The following MTMR7 variants were observed in gnomAD, a reference collection of about 807,000 sequenced individuals.
The protein encoded by MTMR7 is myotubularin related protein 7, also known as phosphatidylinositol-3-phosphate phosphatase MTMR7.
MTMR7 carries 76 observed loss-of-function variants against 81.2 expected under a neutral mutation model. The ratio of observed to expected loss-of-function variants is 0.94; its 90% CI spans 0.78 to 1.13. MTMR7 has a LOEUF of 1.13. Ranked by LOEUF, MTMR7 falls within the 50% of genes most tolerant of loss-of-function variation. MTMR7 has a pLI of 0.00. For synonymous variants in MTMR7, 372 were observed against 289.8 expected, an observed-to-expected ratio of 1.28 and a Z score of -2.88; for missense variants, 1,044 against 820.0, an observed-to-expected ratio of 1.27 and a Z score of -3.34.
chr8:17,349,974 G>A (rs1819680239), intron 4 of MTMR7, among the ~76,000 whole-genome samples: 1 of 152,168 alleles, frequency 6.6e-6, no homozygotes, highest in South Asian at 2.1e-4. Flanking sequence ...ATCTCATGGG[G>A]TTGACAGATG....
intron 4 of MTMR7, among the ~76,000 whole-genome samples, chr8:17,358,994 A>G (rs1819980889): frequency 6.6e-6 from 1 of 152,158 alleles, no homozygotes. Context: ...CGCAGGCTCA[A>G]GCAATCCTCC....
chr8:17,362,307 T>C (rs1487736355), intron 3 of MTMR7, among the ~76,000 whole-genome samples: 2 of 152,226 alleles, frequency 1.3e-5, no homozygotes, highest in African/African-American at 4.8e-5. Context: ...CTTAACCGCA[T>C]ACCTCAGTTT....
intron 3 of MTMR7, among the ~76,000 whole-genome samples, chr8:17,368,790 T>C (rs1820317307): frequency 6.6e-6 from 1 of 152,250 alleles, no homozygotes; most frequent in Non-Finnish European, 1.5e-5. Flanking sequence ...TTCAAAATGC[T>C]GGTGATTCTT....
chr8:17,380,090 TA>T (rs2150571527), intron 1 of MTMR7, among the ~76,000 whole-genome samples: 1 of 152,178 alleles, frequency 6.6e-6, no homozygotes, highest in South Asian at 2.1e-4. Flanking sequence ...AGCAAATGAT[TA>T]TGCCAGAAGG....
At chr8:17,349,360 T>C (rs1293060216) in intron 4 of MTMR7, 5 of 270,692 alleles carry the variant, frequency 1.8e-5, no homozygotes, top group Non-Finnish European at 3.6e-5. Context: ...CCAGTGACAA[T>C]GAAGCCTTCC....
chr8:17,394,433 T>C (rs1585119130), intron 1 of MTMR7, among the ~76,000 whole-genome samples: 1 of 152,196 alleles, frequency 6.6e-6, no homozygotes, highest in East Asian at 1.9e-4. Flanking sequence ...TACGCTTAAC[T>C]GAAAGAAGCC....
At chr8:17,302,056 A>T in intron 13 of MTMR7, 98 bp downstream of exon 13, 1 of 1,507,920 alleles carries the variant, frequency 6.6e-7, no homozygotes, top group Admixed American at 1.8e-5. Flanking sequence ...AAAAATGTGA[A>T]ATATTTGTAT....
chr8:17,315,131 G>A (rs1164380670), intron 7 of MTMR7, among the ~76,000 whole-genome samples: 1 of 152,330 alleles, frequency 6.6e-6, no homozygotes, highest in Admixed American at 6.5e-5. Flanking sequence ...TTAAAATGTA[G>A]TATGTCCTGA....
chr8:17,392,668 G>A (rs1821139603), intron 1 of MTMR7, among the ~76,000 whole-genome samples: 1 of 152,212 alleles, frequency 6.6e-6, no homozygotes, highest in Admixed American at 6.5e-5. Context: ...CGAGATCAAT[G>A]TTTTTATTAA....
intron 7 of MTMR7, among the ~76,000 whole-genome samples, chr8:17,322,121 G>C (rs1252499664): frequency 8.0e-6 from 1 of 125,060 alleles, no homozygotes; most frequent in Admixed American, 7.7e-5. Flanking sequence ...CCCAGCACTT[G>C]TCTGAGTTCT....
Position 17,373,862 on chromosome 8 carries a change from A to C in MTMR7, c.25-622T>G, listed in dbSNP as rs548534171. 3.6e-4 allele frequency among the ~76,000 whole-genome samples: 55 copies of C among 152,350 alleles called. 1 individual carries two copies. The South Asian group carries it at 0.011, about 32-fold the overall frequency. On this transcript the variant is annotated intron_variant, in intron 1 of 13. Coordinates refer to ENST00000180173, the MANE Select transcript of MTMR7 (RefSeq NM_004686.5). ...CCAAACTGCTAGAAGAGATTTCTGG[A>C]AACAATTTTTACAAAGCATACCTCT... is the stretch of plus-strand genomic sequence containing the variant.
At chr8:17,396,020 G>A (rs11993967) in intron 1 of MTMR7, among the ~76,000 whole-genome samples, 57,157 of 151,526 alleles carry the variant, frequency 0.38, 11,802 homozygotes, top group Admixed American at 0.54. Flanking sequence ...TTAAACTACC[G>A]GAAATAAGTA....
rs953970596 is a variant in MTMR7 at position 17,383,398 on chromosome 8, G to C, written c.25-10158C>G. ...CTACTGCGCATCAGATACTGTGCTA[G>C]GTATTATCCACATGCTACTTCTAAC... On this transcript the variant is annotated intron_variant, in intron 1 of 13. Transcript: ENST00000180173. Among the ~76,000 whole-genome samples the C allele has an allele frequency of 2.0e-5, 3 of 152,262 alleles. No homozygotes were observed. In the East Asian group the frequency reaches 5.8e-4, roughly 29 times the overall value.
At chr8:17,408,006 A>C (rs1821637030) in intron 1 of MTMR7, among the ~76,000 whole-genome samples, 1 of 152,218 alleles carries the variant, frequency 6.6e-6, no homozygotes, top group African/African-American at 2.4e-5. Flanking sequence ...TAAGTTGTTG[A>C]GTTCAACACT....
At position 17,311,861 on chromosome 8, in the gene MTMR7, A is replaced by T. The variant is rs567792588; in HGVS notation, c.976-225T>A. On this transcript the variant is annotated intron_variant, in intron 8 of 13. Coordinates refer to ENST00000180173, the MANE Select transcript of MTMR7 (RefSeq NM_004686.5). Reference sequence around the variant, plus strand: ...CATTCTATCCAGAAGCCACCACTCAAGTCACCTCCAATAAGCGCATGTACT... The same window carrying T: ...CATTCTATCCAGAAGCCACCACTCATGTCACCTCCAATAAGCGCATGTACT... 110 of 589,086 alleles carry T rather than the reference A, an allele frequency of 1.9e-4. No individual in the cohort carries two copies. In the South Asian group the frequency reaches 2.1e-3, roughly 11 times the overall value. 36.5% of individuals were successfully genotyped at this position (589,086 alleles called of 1,614,324 possible).
chr8:17,350,839 T>G (rs1463661932), intron 4 of MTMR7, among the ~76,000 whole-genome samples: 1 of 152,220 alleles, frequency 6.6e-6, no homozygotes, highest in African/African-American at 2.4e-5. Flanking sequence ...GCCCAAAGTC[T>G]AATTTCAGGG....
At chr8:17,410,955 G>T (rs1316488850) in intron 1 of MTMR7, among the ~76,000 whole-genome samples, 2 of 152,076 alleles carry the variant, frequency 1.3e-5, no homozygotes, top group Non-Finnish European at 2.9e-5. Flanking sequence ...GCAAACCCAA[G>T]ACATGAAACC....
intron 3 of MTMR7, among the ~76,000 whole-genome samples, chr8:17,368,054 T>C (rs548653576): frequency 2.1e-4 from 32 of 152,230 alleles, no homozygotes; most frequent in African/African-American, 7.5e-4. Flanking sequence ...AGGGACCAGC[T>C]TTGTGGAAGA....
At chr8:17,311,116 C>T (rs1272690362) in intron 9 of MTMR7, among the ~76,000 whole-genome samples, 1 of 152,146 alleles carries the variant, frequency 6.6e-6, no homozygotes, top group Non-Finnish European at 1.5e-5. Flanking sequence ...GGACTTTTGG[C>T]ATACACAATA....
Sources: gnomAD v4.1 joint callset for allele counts (sites outside exome capture counted in the v4.1 genomes callset) on GRCh38, gnomAD v4.1.1 for gene constraint, MANE v1.5 for transcripts, NCBI Gene and HGNC (gene_info 2026-07-23, HGNC 2026-07-21) for gene names.